Variants in ADAMTS5 observed in about 807,000 individuals in gnomAD.
ADAMTS5 encodes ADAM metallopeptidase with thrombospondin type 1 motif 5.
A neutral mutation model predicts 81.4 loss-of-function variants in ADAMTS5; 54 were observed. The ratio of observed to expected loss-of-function variants is 0.66; its 90% confidence interval spans 0.53 to 0.83. The LOEUF is 0.83. Among genes scored for constraint, ADAMTS5 ranks in the 40% least tolerant of loss-of-function variants. The probability of loss-of-function intolerance (pLI) is 0.00; values close to 1 mark genes in which losing one functional copy is unlikely to be tolerated. For synonymous variants in ADAMTS5, 532 were observed against 508.8 expected (o/e 1.05, Z -0.61); for missense variants, 1,194 against 1,229.9 (o/e 0.97, Z 0.44).
Position 26,918,661 on chromosome 21 carries a change from C to T in ADAMTS5, c.*5392G>A, listed in dbSNP as rs1459425429. 1 of 151,924 alleles carries T rather than the reference C, an allele frequency of 6.6e-6. No individual in the cohort carries two copies. The allele number at this position is 151,924 out of a possible 1,614,324, so 9.4% of individuals were successfully genotyped here. A position where few individuals can be genotyped will look rare whatever the true frequency, so the allele number is the denominator to read the frequency against. Reference sequence around the variant, plus strand: ...TTTCTTAATCAAAAGTCTAGCTTTACAAAGTCACATACAGTATGTTCTTCT... The same window carrying T: ...TTTCTTAATCAAAAGTCTAGCTTTATAAAGTCACATACAGTATGTTCTTCT... On this transcript the variant is annotated 3_prime_UTR_variant, in exon 8 of 8. Transcript: ENST00000284987.
chr21:26,923,626 C>A lies in ADAMTS5; in HGVS notation c.*427G>T. ...AATATATATGGATATTTTAATAGAA[C>A]CAGGGGATATAAAGTGACATACCAA... On this transcript the variant is annotated 3_prime_UTR_variant, in exon 8 of 8. Transcript: ENST00000284987. 6.4e-6 allele frequency: 1 copy of A among 156,634 alleles called. No individual in the cohort carries two copies. The highest frequency in any genetic ancestry group is 1.4e-5 in the Non-Finnish European group (1 of 70,528). The allele number at this position is 156,634 out of a possible 1,614,324, so 9.7% of individuals were successfully genotyped here. A position where few individuals can be genotyped will look rare whatever the true frequency, so the allele number is the denominator to read the frequency against.
chr21:26,965,612 GCGC>G lies in ADAMTS5; in HGVS notation c.777_779del (p.Arg261del). On this transcript the variant is annotated inframe_deletion, in exon 1 of 8. Transcript: ENST00000284987. ...CCTGGCGGGCCCGGGAGATGGAGCGGCGCCGCCGCCGCCACCACGTCTGCGGTC... is the reference window on the plus strand; with the variant it reads ...CCTGGCGGGCCCGGGAGATGGAGCGGCGCCGCCGCCACCACGTCTGCGGTC... 1.2e-5 allele frequency: 19 copies of G among 1,598,084 alleles called. No individual in the cohort carries two copies. The highest frequency in any genetic ancestry group is 1.6e-5 in the Non-Finnish European group (19 of 1,173,848).
chr21:26,943,995 T>C (rs543926133), intron 2 of ADAMTS5, among the ~76,000 whole-genome samples: 3 of 152,342 alleles, frequency 2.0e-5, no homozygotes, highest in Non-Finnish European at 2.9e-5. Flanking sequence ...AACTTAGTGC[T>C]GTGCAAGTTG....
Position 26,965,857 on chromosome 21 carries a change from C to T in ADAMTS5, c.535G>A (p.Gly179Arg), listed in dbSNP as rs768563008. The change falls in exon 1 of 8, where the codon GGG becomes AGG. Residue 179 changes from glycine (G) to arginine (R), a missense_variant. This residue lies in a region of ADAMTS5 where 498 missense variants were observed against 412.3 expected (regional missense o/e 1.21). Transcript: ENST00000284987. Reference protein sequence around the residue: ...LRGPWAEEEKGRVYGDGSARI... With the variant: ...LRGPWAEEEKRRVYGDGSARI... ...GCGGACCCATCCCCGTACACGCGCC[C>T]CTTTTCTTCCTCCGCCCAGGGTCCG... The T allele has an allele frequency of 1.9e-5, 30 of 1,613,274 alleles. No individual in the cohort carries two copies. The highest frequency in any genetic ancestry group is 3.3e-4 in the Middle Eastern group (2 of 6,062).
intron 3 of ADAMTS5, among the ~76,000 whole-genome samples, chr21:26,942,795 A>G (rs1477063475): frequency 6.6e-6 from 1 of 152,196 alleles, no homozygotes; most frequent in East Asian, 1.9e-4. Context: ...TGAAGTTCTT[A>G]AAGTGTTTTC....
intron 3 of ADAMTS5, among the ~76,000 whole-genome samples, chr21:26,937,887 A>G (rs1987042976): frequency 6.6e-6 from 1 of 152,144 alleles, no homozygotes; most frequent in Non-Finnish European, 1.5e-5. Flanking sequence ...GAACACTTTG[A>G]CCCTTCCCTC....
Position 26,919,852 on chromosome 21 carries a change from A to G in ADAMTS5, c.*4201T>C, listed in dbSNP as rs569783610. The G allele has an allele frequency of 3.9e-5, 6 of 152,092 alleles. No homozygotes were observed. The highest frequency in any genetic ancestry group is 8.8e-5 in the Non-Finnish European group (6 of 67,984). 9.4% of individuals were successfully genotyped at this position (152,092 alleles called of 1,614,324 possible). A position where few individuals can be genotyped will look rare whatever the true frequency, so the allele number is the denominator to read the frequency against. On this transcript the variant is annotated 3_prime_UTR_variant, in exon 8 of 8. Coordinates refer to ENST00000284987, the MANE Select transcript of ADAMTS5 (RefSeq NM_007038.5). The stretch of plus-strand genomic sequence containing the variant: ...AGATTGTTGGCAAATGAGAAAAATA[A>G]TAGGGAAAACATACAAGTTCCTTTT...
At chr21:26,937,480 A>C (rs1987035210) in intron 3 of ADAMTS5, among the ~76,000 whole-genome samples, 1 of 152,216 alleles carries the variant, frequency 6.6e-6, no homozygotes, top group African/African-American at 2.4e-5. Context: ...GTTTATGCCA[A>C]AGCATATATA....
chr21:26,955,259 T>G (rs1194199218), intron 1 of ADAMTS5, among the ~76,000 whole-genome samples: 1 of 152,230 alleles, frequency 6.6e-6, no homozygotes, highest in Non-Finnish European at 1.5e-5. Flanking sequence ...CCTTATAATT[T>G]GTTTTCTATT....
chr21:26,947,389 C>T (rs1045756514), intron 2 of ADAMTS5, among the ~76,000 whole-genome samples: 3 of 151,914 alleles, frequency 2.0e-5, no homozygotes, highest in African/African-American at 4.8e-5. Flanking sequence ...ATTTTCCAAG[C>T]GGTGCCTACC....
At chr21:26,930,531 C>T (rs1191536945) in intron 6 of ADAMTS5, among the ~76,000 whole-genome samples, 1 of 152,186 alleles carries the variant, frequency 6.6e-6, no homozygotes, top group Non-Finnish European at 1.5e-5. Flanking sequence ...GGTTGGAGAG[C>T]ATTCCCTATT....
At chr21:26,946,399 A>G (rs1274037138) in intron 2 of ADAMTS5, among the ~76,000 whole-genome samples, 1 of 152,202 alleles carries the variant, frequency 6.6e-6, no homozygotes, top group Non-Finnish European at 1.5e-5. Flanking sequence ...CTATGATACC[A>G]AAAGCTAACT....
intron 2 of ADAMTS5, among the ~76,000 whole-genome samples, chr21:26,952,590 A>G (rs898575809): frequency 1.3e-5 from 2 of 152,214 alleles, no homozygotes; most frequent in African/African-American, 2.4e-5. Context: ...TCCCAGATGC[A>G]GTCAATGTGT....
chr21:26,930,597 G>T (rs1309195240), intron 6 of ADAMTS5, among the ~76,000 whole-genome samples: 1 of 152,194 alleles, frequency 6.6e-6, no homozygotes, highest in Non-Finnish European at 1.5e-5. Flanking sequence ...GCAGAAAAAG[G>T]AGTCTGGGGA....
rs760080877 is a variant in ADAMTS5, at chr21:26,932,876, G to C, written c.1858C>G (p.Pro620Ala). The change falls in exon 5 of 8, where the codon CCC becomes GCC. Residue 620 changes from proline to alanine, a missense_variant. Pro to Ala is a conservative substitution (Grantham distance 27). This residue lies in a region of ADAMTS5 where 696 missense variants were observed against 817.6 expected (regional missense o/e 0.85). Transcript: ENST00000284987. ...AGCAGCGTACCATTGGGTGGGCAGGGCATGAGACTGCAGGAGCGGTAGATG... is the reference window on the plus strand; with the variant it reads ...AGCAGCGTACCATTGGGTGGGCAGGCCATGAGACTGCAGGAGCGGTAGATG... ...RAIYRSCSLM[P>A]CPPNGKSFRH... is the part of the protein sequence containing the mutation. 3.1e-6 allele frequency: 5 copies of C among 1,611,918 alleles called. No homozygotes were observed. Among genetic ancestry groups the C allele is most frequent in the Non-Finnish European group, 3.4e-6 (4 of 1,179,286 alleles).
At chr21:26,961,644 C>T (rs1055245738) in intron 1 of ADAMTS5, among the ~76,000 whole-genome samples, 2 of 152,166 alleles carry the variant, frequency 1.3e-5, no homozygotes, top group African/African-American at 4.8e-5. Context: ...TCATAATATC[C>T]CTCACAGTTT....
chr21:26,947,149 T>C (rs1464941507), intron 2 of ADAMTS5, among the ~76,000 whole-genome samples: 1 of 152,244 alleles, frequency 6.6e-6, no homozygotes, highest in Non-Finnish European at 1.5e-5. Flanking sequence ...GCAGTTTGCT[T>C]GAGCAATTTT....
Position 26,966,278 on chromosome 21 carries a change from T to TGCA in ADAMTS5, c.111_113dup (p.Ala41dup). Reference sequence around the variant, plus strand: ...GCCGCCGGCGGGGCTGGGCGGCTGCTGCAGCAGTCGGAGGCTGCCCGGCTT... The same window carrying TGCA: ...GCCGCCGGCGGGGCTGGGCGGCTGCTGCAGCAGCAGTCGGAGGCTGCCCGGCTT... On this transcript the variant is annotated inframe_insertion, in exon 1 of 8. Coordinates refer to ENST00000284987, the MANE Select transcript of ADAMTS5 (RefSeq NM_007038.5). 2 of 1,564,346 alleles carry TGCA rather than the reference T, an allele frequency of 1.3e-6. No homozygotes were observed. The highest frequency in any genetic ancestry group is 1.7e-6 in the Non-Finnish European group (2 of 1,159,724).
chr21:26,938,011 G>C (rs1258801326), intron 3 of ADAMTS5, among the ~76,000 whole-genome samples: 4 of 152,090 alleles, frequency 2.6e-5, no homozygotes, highest in African/African-American at 9.7e-5. Flanking sequence ...AGGCTGAGGC[G>C]GGTGGATCAC....
Sources: gnomAD v4.1 joint callset for allele counts (sites outside exome capture counted in the v4.1 genomes callset) on GRCh38, gnomAD v4.1.1 for gene constraint, gnomAD v4.1.1 regional missense constraint, MANE v1.5 for transcripts, NCBI Gene and HGNC (gene_info 2026-07-23, HGNC 2026-07-21) for gene names.